ANKS1B: variants seen among roughly 807,000 people sequenced by gnomAD.
The protein encoded by ANKS1B is ankyrin repeat and sterile alpha motif domain-containing protein 1B.
A neutral mutation model predicts 148.3 loss-of-function variants in ANKS1B; 36 were observed. The observed-to-expected ratio is 0.24, with a 90% CI of 0.19 to 0.32. ANKS1B has a LOEUF of 0.32. ANKS1B is among the 10% of genes least tolerant of loss of function. The pLI is 1.00. For synonymous variants in ANKS1B, 542 were observed against 560.8 expected (o/e 0.97, Z 0.47); for missense variants, 1,157 against 1,542.6 (o/e 0.75, Z 4.19).
intron 17 of ANKS1B, among the ~76,000 whole-genome samples, chr12:98,942,735 G>A (rs1045453775): frequency 3.3e-5 from 5 of 152,172 alleles, no homozygotes; most frequent in Non-Finnish European, 1.5e-5. Context: ...AATATATAAC[G>A]GAATGATTAT....
intron 9 of ANKS1B, among the ~76,000 whole-genome samples, chr12:99,523,713 C>T (rs780435757): frequency 5.9e-5 from 9 of 152,072 alleles, no homozygotes; most frequent in Middle Eastern, 3.4e-3. Context: ...CCACCACGCC[C>T]GGCTAATTTT....
chr12:99,739,756 T>C (rs540031264), intron 8 of ANKS1B, among the ~76,000 whole-genome samples: 1 of 152,058 alleles, frequency 6.6e-6, no homozygotes, highest in African/African-American at 2.4e-5. Flanking sequence ...GGAATATTCA[T>C]TCCTCAGATA....
intron 1 of ANKS1B, among the ~76,000 whole-genome samples, chr12:99,921,049 C>T (rs1370977774): frequency 6.6e-6 from 1 of 152,164 alleles, no homozygotes; most frequent in Non-Finnish European, 1.5e-5. Context: ...CTGAAACTAG[C>T]TTGATAAGTC....
At chr12:99,522,123 T>C (rs1340325626) in intron 9 of ANKS1B, among the ~76,000 whole-genome samples, 1 of 152,190 alleles carries the variant, frequency 6.6e-6, no homozygotes, top group African/African-American at 2.4e-5. Flanking sequence ...GTCTTCTCCT[T>C]ACTGTTTTTC....
In ANKS1B at chr12:99,251,523, A is replaced by T. The variant is rs1264476094; in HGVS notation, c.1757-4659T>A. 4.6e-5 allele frequency among the ~76,000 whole-genome samples: 7 copies of T among 152,320 alleles called. No homozygotes were observed. The East Asian group carries it at 1.4e-3, about 29-fold the overall frequency. On this transcript the variant is annotated intron_variant, in intron 12 of 26. Coordinates refer to ENST00000683438, the MANE Select transcript of ANKS1B (RefSeq NM_001352186.2). ...TTTACACTTCTCTTTTGATAAGTGG[A>T]TATTTCATGCCAAGGTACAGAACTA...
intron 8 of ANKS1B, among the ~76,000 whole-genome samples, chr12:99,703,738 C>T (rs912273261): frequency 7.2e-5 from 11 of 152,188 alleles, no homozygotes; most frequent in African/African-American, 2.6e-4. Flanking sequence ...GATTTATTTA[C>T]AAATATATCT....
intron 15 of ANKS1B, among the ~76,000 whole-genome samples, chr12:99,094,683 C>T (rs898070035): frequency 1.3e-5 from 2 of 152,016 alleles, no homozygotes; most frequent in African/African-American, 4.8e-5. Flanking sequence ...AAAGGTGAGG[C>T]ATGTTTTAGG....
At chr12:99,490,788 C>T (rs1001512302) in intron 10 of ANKS1B, among the ~76,000 whole-genome samples, 2 of 152,104 alleles carry the variant, frequency 1.3e-5, no homozygotes, top group African/African-American at 4.8e-5. Context: ...AAAGACAGAA[C>T]TAGTAGTCTT....
intron 12 of ANKS1B, among the ~76,000 whole-genome samples, chr12:99,380,538 T>C (rs1469003851): frequency 6.6e-6 from 1 of 152,200 alleles, no homozygotes; most frequent in Non-Finnish European, 1.5e-5. Context: ...AGTCAGTTGT[T>C]AAATAGGCAA....
At chr12:99,178,291 G>C (rs1297628356) in intron 14 of ANKS1B, among the ~76,000 whole-genome samples, 1 of 152,122 alleles carries the variant, frequency 6.6e-6, no homozygotes, top group Admixed American at 6.6e-5. Context: ...TAGGCCATTT[G>C]GACTCTTTCA....
At chr12:99,077,783 ACT>A (rs1346736643) in intron 16 of ANKS1B, among the ~76,000 whole-genome samples, 1 of 152,006 alleles carries the variant, frequency 6.6e-6, no homozygotes, top group East Asian at 1.9e-4. Flanking sequence ...TCTCTTAAAG[ACT>A]CTAGTTCTTT....
rs755727156 is a variant in ANKS1B, at chr12:98,769,652, TC to T, written c.3579+3389del. 8.6e-5 allele frequency among the ~76,000 whole-genome samples: 13 copies of T among 151,664 alleles called. No individual in the cohort carries two copies. The South Asian group carries it at 1.7e-3, about 20-fold the overall frequency. On this transcript the variant is annotated intron_variant, in intron 25 of 26. Coordinates refer to ENST00000683438, the MANE Select transcript of ANKS1B (RefSeq NM_001352186.2). ...TCAGTATTCTGGTGATATATATATA[TC>T]ACACACACGTATAGCTAATAAACTC...
chr12:99,588,682 C>T (rs987117177), intron 9 of ANKS1B, among the ~76,000 whole-genome samples: 11 of 152,010 alleles, frequency 7.2e-5, no homozygotes, highest in African/African-American at 2.7e-4. Context: ...ATGGAAGGTA[C>T]AATTTATACT....
At chr12:99,805,263 CAAAAA>C (rs58248573) in intron 4 of ANKS1B, among the ~76,000 whole-genome samples, 6 of 28,916 alleles carry the variant, frequency 2.1e-4, no homozygotes, top group East Asian at 1.2e-3. Flanking sequence ...GAGGAAAAGG[CAAAAA>C]AAAAAAAAAA....
At chr12:99,428,521 G>A (rs1253143316) in intron 11 of ANKS1B, among the ~76,000 whole-genome samples, 1 of 152,202 alleles carries the variant, frequency 6.6e-6, no homozygotes, top group Admixed American at 6.5e-5. Context: ...AATGAATTAT[G>A]TGTTGTTTAG....
At chr12:99,197,138 C>T (rs1479417811) in intron 14 of ANKS1B, among the ~76,000 whole-genome samples, 3 of 152,080 alleles carry the variant, frequency 2.0e-5, no homozygotes, top group Non-Finnish European at 2.9e-5. Flanking sequence ...AGATATTGTA[C>T]TATGATTGGT....
At chr12:99,354,014 A>C (rs1249728727) in intron 12 of ANKS1B, among the ~76,000 whole-genome samples, 1 of 152,080 alleles carries the variant, frequency 6.6e-6, no homozygotes, top group East Asian at 1.9e-4. Context: ...ATTTCAGCTA[A>C]GCTTCTTATT....
At position 98,745,308 on chromosome 12, in the gene ANKS1B, C is replaced by G. The variant is rs2097855449; in HGVS notation, c.*431G>C. 4 of 981,644 alleles carry G rather than the reference C, an allele frequency of 4.1e-6. No individual in the cohort carries two copies. Among genetic ancestry groups the G allele is most frequent in the African/African-American group, 3.6e-5 (2 of 55,492 alleles). 60.8% of individuals were successfully genotyped at this position (981,644 alleles called of 1,614,324 possible). On this transcript the variant is annotated 3_prime_UTR_variant, in exon 27 of 27. Coordinates refer to ENST00000683438, the MANE Select transcript of ANKS1B (RefSeq NM_001352186.2). ...TGGAGGTGGGAGGGGTAGTGCTGCT[C>G]TGATTTCACCTTTAAAACTGCTGAC...
At chr12:99,068,614 G>T (rs1332455136) in intron 16 of ANKS1B, among the ~76,000 whole-genome samples, 2 of 151,712 alleles carry the variant, frequency 1.3e-5, no homozygotes, top group Non-Finnish European at 2.9e-5. Flanking sequence ...TTTCTCTTGG[G>T]GTTAATATAT....
Sources: gnomAD v4.1 joint callset for allele counts (sites outside exome capture counted in the v4.1 genomes callset) on GRCh38, gnomAD v4.1.1 for gene constraint, MANE v1.5 for transcripts, NCBI Gene and HGNC (gene_info 2026-07-23, HGNC 2026-07-21) for gene names.